The following HDAC4 variants were observed in gnomAD, a reference collection of about 807,000 sequenced individuals.
The protein encoded by HDAC4 is histone deacetylase 4.
A neutral mutation model predicts 135.1 loss-of-function variants in HDAC4; 16 were observed. That is an observed-to-expected ratio of 0.12 (90% CI 0.08 to 0.18). The LOEUF (loss-of-function observed/expected upper bound fraction) is 0.18. HDAC4 is among the 10% of genes least tolerant of loss of function. HDAC4 has a pLI of 1.00. For missense variants in HDAC4, 1,143 were observed against 1,511.8 expected, an observed-to-expected ratio of 0.76 and a Z score of 4.05; for synonymous variants, 685 against 653.4, an observed-to-expected ratio of 1.05 and a Z score of -0.74.
intron 3 of HDAC4, among the ~76,000 whole-genome samples, chr2:239,207,078 CCTGCTCTCCCCACCG>C (rs1329782783): frequency 6.6e-6 from 1 of 152,104 alleles, no homozygotes; most frequent in Non-Finnish European, 1.5e-5. Context: ...GCTCACTCCA[CCTGCTCTCCCCACCG>C]CTGGGTATGC....
intron 2 of HDAC4, among the ~76,000 whole-genome samples, chr2:239,249,261 T>C (rs6543519): frequency 0.34 from 51,821 of 152,112 alleles, 10,555 homozygotes; most frequent in African/African-American, 0.56. Context: ...CCGAAGGCCA[T>C]GGTAAGGACC....
chr2:239,258,796 G>A (rs556778748), intron 2 of HDAC4, among the ~76,000 whole-genome samples: 4 of 152,296 alleles, frequency 2.6e-5, no homozygotes, highest in South Asian at 4.1e-4. Context: ...AATGGCAGAT[G>A]GGCACACAAA....
chr2:239,240,082 G>A lies in HDAC4; in HGVS notation c.23-3418C>T, dbSNP rs2048092343. 6.6e-6 allele frequency among the ~76,000 whole-genome samples: 1 copy of A among 152,260 alleles called. No homozygotes were observed. The highest frequency in any genetic ancestry group is 1.5e-5 in the Non-Finnish European group (1 of 68,046). ...CCTCATTATGAAAGGCTGGGGCTCA[G>A]GGCAGCAGCCATGATCGAGAAGCCA... On this transcript the variant is annotated intron_variant, in intron 2 of 26. Transcript: ENST00000543185. This position sits in a 1 kb window ranked among gnomAD's most constrained non-coding sequence, Gnocchi z 4.5.
chr2:239,401,152 A>C (rs1226854568), upstream of HDAC4: 1 of 151,654 alleles, frequency 6.6e-6, no homozygotes, highest in Non-Finnish European at 1.5e-5. Flanking sequence ...CTGGTTTCTA[A>C]TGAAGAGCTC....
intron 2 of HDAC4, among the ~76,000 whole-genome samples, chr2:239,327,741 C>A (rs983043952): frequency 6.6e-6 from 1 of 152,214 alleles, no homozygotes; most frequent in Non-Finnish European, 1.5e-5. Context: ...CTCCCCAAAG[C>A]GTGCCTGTGC....
intron 16 of HDAC4, among the ~76,000 whole-genome samples, chr2:239,095,886 C>T (rs1019156393): frequency 6.6e-6 from 1 of 152,190 alleles, no homozygotes; most frequent in Non-Finnish European, 1.5e-5. Flanking sequence ...CCCTCACTCT[C>T]CGCAGCCCCC....
rs2030593742 is a variant in HDAC4, at chr2:239,050,024, C to T, written c.*3073G>A. The T allele has an allele frequency of 1.3e-5, 2 of 152,772 alleles. No individual in the cohort carries two copies. Among genetic ancestry groups the T allele is most frequent in the African/African-American group, 2.4e-5 (1 of 41,598 alleles). The allele number at this position is 152,772 out of a possible 1,614,324, so 9.5% of individuals were successfully genotyped here. On this transcript the variant is annotated 3_prime_UTR_variant, in exon 27 of 27. Transcript: ENST00000543185. Reference sequence around the variant, plus strand: ...CCCACAGGGAGAACACATGAAGGAACCCTCCCTGACGTGGTCCCGCCTGCA... The same window carrying T: ...CCCACAGGGAGAACACATGAAGGAATCCTCCCTGACGTGGTCCCGCCTGCA...
At chr2:239,178,581 GCT>G (rs1189509235) in intron 4 of HDAC4, among the ~76,000 whole-genome samples, 3 of 151,982 alleles carry the variant, frequency 2.0e-5, no homozygotes, top group African/African-American at 7.3e-5. Flanking sequence ...ACAAGATCTT[GCT>G]CTGTTGCTGG....
At chr2:239,391,904 GAACGCAGCCCGCGT>G in intron 1 of HDAC4, among the ~76,000 whole-genome samples, 1 of 48,746 alleles carries the variant, frequency 2.1e-5, no homozygotes, top group South Asian at 2.2e-3. Flanking sequence ...AACTTCGTCA[GAACGCAGCCCGCGT>G]GTGCTGAAGC....
chr2:239,326,470 C>T (rs999743067), intron 2 of HDAC4, among the ~76,000 whole-genome samples: 4 of 152,196 alleles, frequency 2.6e-5, no homozygotes, highest in African/African-American at 4.8e-5. Flanking sequence ...AAAATATTTA[C>T]TGCCACTGAA....
At chr2:239,107,643 C>T (rs1259181514) in intron 15 of HDAC4, among the ~76,000 whole-genome samples, 1 of 152,252 alleles carries the variant, frequency 6.6e-6, no homozygotes, top group African/African-American at 2.4e-5. Context: ...CAGGCCTGAT[C>T]TGAGATATAA....
chr2:239,124,209 T>A (rs528413818), intron 12 of HDAC4, among the ~76,000 whole-genome samples: 1 of 152,212 alleles, frequency 6.6e-6, no homozygotes, highest in Non-Finnish European at 1.5e-5. Flanking sequence ...TTGTTTTTAG[T>A]ATATTTACAG....
chr2:239,102,699 C>G, intron 16 of HDAC4, 77 bp downstream of exon 16: 1 of 1,560,050 alleles, frequency 6.4e-7, no homozygotes, highest in Non-Finnish European at 8.8e-7. Context: ...GCCCCAGACA[C>G]AAGGGGTTGA....
chr2:239,366,272 G>A (rs926736587), intron 1 of HDAC4, among the ~76,000 whole-genome samples: 16 of 149,952 alleles, frequency 1.1e-4, no homozygotes, highest in Admixed American at 6.0e-4. Flanking sequence ...CATGCACAGA[G>A]CAGGGTCGTC....
chr2:239,163,808 C>A lies in HDAC4; in HGVS notation c.606G>T (p.Trp202Cys), dbSNP rs143088907. 6.8e-6 allele frequency: 11 copies of A among 1,614,034 alleles called. No individual in the cohort carries two copies. The highest frequency in any genetic ancestry group is 9.3e-6 in the Non-Finnish European group (11 of 1,180,040). Residue 202 changes from tryptophan (W) to cysteine (C), a missense_variant, in exon 6 of 27, where the codon TGG (tryptophan) becomes TGT (cysteine). Trp to Cys is a radical substitution (Grantham distance 215). Coordinates refer to ENST00000543185, the MANE Select transcript of HDAC4 (RefSeq NM_001378414.1). ...CTCCCCACACCCACACTTACCCGTA[C>A]CAGTAGCGAGGGTCGCTGGAAATGC... ...NHCISSDPRY[W>C]YGKTQHSSLD...
chr2:239,236,742 G>T, intron 2 of HDAC4, 78 bp from the exon 3 acceptor site: 1 of 1,026,496 alleles, frequency 9.7e-7, no homozygotes, highest in Non-Finnish European at 1.5e-6. Flanking sequence ...AGTCTGCAGG[G>T]AGTAACTCCC....
chr2:239,385,899 T>C (rs1004956301), intron 1 of HDAC4, among the ~76,000 whole-genome samples: 2 of 152,156 alleles, frequency 1.3e-5, no homozygotes, highest in Non-Finnish European at 2.9e-5. Flanking sequence ...AGCTCTGCTC[T>C]GGGAGCCCCA....
chr2:239,161,314 G>A (rs1042542819), intron 6 of HDAC4, among the ~76,000 whole-genome samples: 1 of 152,116 alleles, frequency 6.6e-6, no homozygotes, highest in African/African-American at 2.4e-5. Context: ...CATGTTTTGG[G>A]TTTTTGGTAT....
chr2:239,114,969 C>T (rs1292700138), intron 13 of HDAC4, 84 bp downstream of exon 13: 25 of 1,526,258 alleles, frequency 1.6e-5, no homozygotes, highest in East Asian at 6.9e-5. Context: ...CTGCAGCCCC[C>T]GTGATCACCA....
Sources: gnomAD v4.1 joint callset for allele counts (sites outside exome capture counted in the v4.1 genomes callset) on GRCh38, gnomAD v4.1.1 for gene constraint, Gnocchi (gnomAD v3.1) non-coding constraint, MANE v1.5 for transcripts, NCBI Gene and HGNC (gene_info 2026-07-23, HGNC 2026-07-21) for gene names.